Variants in SNTG2 observed in about 807,000 individuals in gnomAD.
The protein encoded by SNTG2 is syntrophin gamma 2.
Under a neutral mutation model 70.9 loss-of-function variants are expected in SNTG2, and 74 were observed. That is an observed-to-expected ratio of 1.04 (90% CI 0.86 to 1.27). The LOEUF (loss-of-function observed/expected upper bound fraction) is 1.27, where lower values mean the gene tolerates loss of function less well. SNTG2 is among the 50% of genes most tolerant of loss of function. SNTG2 has a pLI of 0.00. For missense variants in SNTG2, 717 were observed against 690.7 expected (o/e 1.04, Z -0.43); for synonymous variants, 278 against 273.8 (o/e 1.02, Z -0.15).
intron 16 of SNTG2, among the ~76,000 whole-genome samples, chr2:1,351,575 C>T (rs1660583120): frequency 2.0e-5 from 3 of 152,158 alleles, no homozygotes; most frequent in African/African-American, 7.2e-5. Context: ...GACCCAACAA[C>T]TTCCAAATAA....
At chr2:1,265,295 C>G (rs1678661067) in intron 13 of SNTG2, among the ~76,000 whole-genome samples, 1 of 152,248 alleles carries the variant, frequency 6.6e-6, no homozygotes, top group South Asian at 2.1e-4. Flanking sequence ...AGTTTCTGTA[C>G]TCAAGGCTCA....
In SNTG2 at chr2:1,259,587, C is replaced by T. The variant is rs1455848877; in HGVS notation, c.1077+146C>T. 3 of 668,406 alleles carry T rather than the reference C, an allele frequency of 4.5e-6. No homozygotes were observed. In the African/African-American group the frequency reaches 5.4e-5, roughly 12 times the overall value. 41.4% of individuals were successfully genotyped at this position (668,406 alleles called of 1,614,324 possible). ...TAATGTGACGATCTGGACCCATTCT[C>T]CTGCCCTACCTGGTACATGGGTTCT... On this transcript the variant is annotated intron_variant, in intron 13 of 16. Transcript: ENST00000308624.
chr2:1,025,881 A>G (rs1041981559), intron 1 of SNTG2, among the ~76,000 whole-genome samples: 1 of 152,190 alleles, frequency 6.6e-6, no homozygotes, highest in Non-Finnish European at 1.5e-5. Flanking sequence ...TCATTCATTC[A>G]TTCATTCATG....
intron 4 of SNTG2, among the ~76,000 whole-genome samples, chr2:1,115,597 T>G (rs11677970): frequency 1.3e-5 from 2 of 149,212 alleles, no homozygotes; most frequent in African/African-American, 2.5e-5. Context: ...TGTCCCTTAC[T>G]GTCCTTTGAG....
At chr2:1,295,668 T>C (rs943792070) in intron 14 of SNTG2, among the ~76,000 whole-genome samples, 1 of 134,992 alleles carries the variant, frequency 7.4e-6, no homozygotes, top group Non-Finnish European at 1.6e-5. Context: ...GGCAGGTGTC[T>C]CCATCGATGA....
At chr2:986,976 T>C (rs1661345763) in intron 1 of SNTG2, among the ~76,000 whole-genome samples, 1 of 152,282 alleles carries the variant, frequency 6.6e-6, no homozygotes, top group South Asian at 2.1e-4. Context: ...TCGTTATATA[T>C]GTTTTTACAA....
At chr2:993,352 T>C (rs58296076) in intron 1 of SNTG2, among the ~76,000 whole-genome samples, 13,191 of 152,038 alleles carry the variant, frequency 0.087, 753 homozygotes, top group South Asian at 0.21. Flanking sequence ...ATTAGACCGT[T>C]TTCTTGTTAC....
intron 14 of SNTG2, among the ~76,000 whole-genome samples, chr2:1,289,556 G>A (rs1424216016): frequency 9.2e-5 from 14 of 152,140 alleles, no homozygotes; most frequent in Non-Finnish European, 1.9e-4. Flanking sequence ...GCGTGAACTC[G>A]TGCCTATTTG....
At chr2:1,164,242 G>A in intron 6 of SNTG2, among the ~76,000 whole-genome samples, 1 of 150,910 alleles carries the variant, frequency 6.6e-6, no homozygotes, top group African/African-American at 2.4e-5. Context: ...GCCTGGCCTA[G>A]GAGGATGAAG....
intron 4 of SNTG2, among the ~76,000 whole-genome samples, 168 bp from the exon 5 acceptor site, chr2:1,137,454 C>T (rs1304155778): frequency 6.6e-6 from 1 of 151,830 alleles, no homozygotes; most frequent in Non-Finnish European, 1.5e-5. Flanking sequence ...ACATTCACAC[C>T]CATCTGCACC....
chr2:1,174,261 A>G (rs1321042624), intron 8 of SNTG2, among the ~76,000 whole-genome samples: 1 of 148,974 alleles, frequency 6.7e-6, no homozygotes, highest in Non-Finnish European at 1.5e-5. Context: ...TGTGTTTGTC[A>G]TTTTCTTGAT....
chr2:1,021,475 G>T (rs1175160513), intron 1 of SNTG2, among the ~76,000 whole-genome samples: 1 of 152,098 alleles, frequency 6.6e-6, no homozygotes, highest in Non-Finnish European at 1.5e-5. Flanking sequence ...GAAACCAAAA[G>T]CTTGCAGGGA....
intron 15 of SNTG2, among the ~76,000 whole-genome samples, chr2:1,309,097 A>G (rs1413156993): frequency 6.6e-6 from 1 of 152,210 alleles, no homozygotes; most frequent in Non-Finnish European, 1.5e-5. Context: ...TTGTCATAAT[A>G]TTTTTTAAAA....
At position 1,122,916 on chromosome 2, in the gene SNTG2, G is replaced by T. The variant is rs117004836; in HGVS notation, c.326-14706G>T. Reference sequence around the variant, plus strand: ...ATAGCATTGTCATACACAAATAATAGCTGAAAAAGAAATCAAAACAATCCC... The same window carrying T: ...ATAGCATTGTCATACACAAATAATATCTGAAAAAGAAATCAAAACAATCCC... On this transcript the variant is annotated intron_variant, in intron 4 of 16. Coordinates refer to ENST00000308624, the MANE Select transcript of SNTG2 (RefSeq NM_018968.4). Among the ~76,000 whole-genome samples, 132 of 115,834 alleles carry T rather than the reference G, an allele frequency of 1.1e-3. 1 individual carries two copies. In the East Asian group the frequency reaches 0.033, roughly 29 times the overall value. 76.0% of individuals were successfully genotyped at this position (115,834 alleles called of 152,430 possible). A position where few individuals can be genotyped will look rare whatever the true frequency, so the allele number is the denominator to read the frequency against.
At chr2:987,807 C>G (rs1661372788) in intron 1 of SNTG2, among the ~76,000 whole-genome samples, 1 of 152,096 alleles carries the variant, frequency 6.6e-6, no homozygotes, top group South Asian at 2.1e-4. Flanking sequence ...TAGACAAGGA[C>G]AGGGTTACTG....
chr2:1,257,070 G>C (rs1678162025), intron 12 of SNTG2, among the ~76,000 whole-genome samples: 2 of 151,868 alleles, frequency 1.3e-5, no homozygotes, highest in South Asian at 4.2e-4. Context: ...CACCTCCCCT[G>C]TTCCTAACAC....
intron 8 of SNTG2, among the ~76,000 whole-genome samples, chr2:1,201,555 A>G (rs1673277906): frequency 6.6e-6 from 1 of 151,892 alleles, no homozygotes; most frequent in African/African-American, 2.4e-5. Context: ...TTCAAATGCT[A>G]TATGGCTTAT....
At chr2:1,130,028 C>A (rs1318350534) in intron 4 of SNTG2, among the ~76,000 whole-genome samples, 1 of 152,186 alleles carries the variant, frequency 6.6e-6, no homozygotes. Flanking sequence ...ATAAGAGTTA[C>A]AGGCAAAAGA....
At chr2:1,263,013 A>G (rs1182073237) in intron 13 of SNTG2, 2 of 152,236 alleles carry the variant, frequency 1.3e-5, no homozygotes, top group Non-Finnish European at 2.9e-5. Flanking sequence ...ATATATGAAT[A>G]ATTAATTTTC....
Sources: gnomAD v4.1 joint callset for allele counts (sites outside exome capture counted in the v4.1 genomes callset) on GRCh38, gnomAD v4.1.1 for gene constraint, MANE v1.5 for transcripts, NCBI Gene and HGNC (gene_info 2026-07-23, HGNC 2026-07-21) for gene names.